Variants in PRKG2 observed in about 807,000 individuals in gnomAD.
PRKG2 encodes cGMP-dependent protein kinase 2.
PRKG2 carries 33 observed loss-of-function variants against 97.2 expected under a neutral mutation model. That is an observed-to-expected ratio of 0.34 (90% CI 0.26 to 0.45). PRKG2 has a LOEUF of 0.45. PRKG2 is among the 20% of genes least tolerant of loss of function. PRKG2 has a pLI of 1.00. For synonymous variants in PRKG2, 330 were observed against 321.8 expected (o/e 1.03, Z -0.27); for missense variants, 638 against 900.0 (o/e 0.71, Z 3.73).
chr4:81,191,156 A>G (rs1168938578), intron 2 of PRKG2, among the ~76,000 whole-genome samples: 1 of 152,112 alleles, frequency 6.6e-6, no homozygotes, highest in Admixed American at 6.6e-5. Flanking sequence ...CAGCACTGTT[A>G]GCAATAGCAA....
intron 6 of PRKG2, 86 bp downstream of exon 6, chr4:81,167,075 T>A (rs1750049071): frequency 1.0e-6 from 1 of 987,484 alleles, no homozygotes; most frequent in African/African-American, 1.7e-5. Context: ...TGCTCTGACA[T>A]CTTTTTATTT....
At chr4:81,130,873 G>A (rs373910446) in intron 14 of PRKG2, among the ~76,000 whole-genome samples, 13 of 152,278 alleles carry the variant, frequency 8.5e-5, no homozygotes, top group African/African-American at 2.6e-4. Context: ...TCAGACTGCT[G>A]TGCTGGCAGG....
chr4:81,217,062 TATATA>T (rs1449307785), upstream of PRKG2, among the ~76,000 whole-genome samples: 1 of 145,676 alleles, frequency 6.9e-6, no homozygotes, highest in Non-Finnish European at 1.5e-5. Context: ...TATGTGTATA[TATATA>T]ATATAAAACC....
At chr4:81,155,893 A>C (rs1383682670) in intron 6 of PRKG2, among the ~76,000 whole-genome samples, 1 of 152,180 alleles carries the variant, frequency 6.6e-6, no homozygotes, top group Non-Finnish European at 1.5e-5. Context: ...AGATTTCATC[A>C]CCACCAGGCC....
At chr4:81,194,805 G>A (rs1397229790) in intron 2 of PRKG2, among the ~76,000 whole-genome samples, 2 of 152,194 alleles carry the variant, frequency 1.3e-5, no homozygotes, top group Non-Finnish European at 1.5e-5. Context: ...AATTAGTACT[G>A]CTCTTAAATC....
chr4:81,179,488 T>C (rs188401239), intron 2 of PRKG2, among the ~76,000 whole-genome samples: 9 of 152,280 alleles, frequency 5.9e-5, no homozygotes, highest in African/African-American at 2.2e-4. Context: ...GTTTTTCCAT[T>C]GGCAACAGAC....
intron 2 of PRKG2, among the ~76,000 whole-genome samples, chr4:81,187,287 C>T (rs976394020): frequency 1.3e-5 from 2 of 152,222 alleles, no homozygotes; most frequent in Non-Finnish European, 2.9e-5. Context: ...AGGATAAAGT[C>T]GGCTTCATCC....
chr4:81,184,405 C>T (rs1751695959), intron 2 of PRKG2, among the ~76,000 whole-genome samples: 1 of 152,130 alleles, frequency 6.6e-6, no homozygotes, highest in African/African-American at 2.4e-5. Context: ...GCAGAGGGGC[C>T]TATTAGAAGG....
chr4:81,217,034 T>TATATATATATAC (rs1202608001), upstream of PRKG2, among the ~76,000 whole-genome samples: 19 of 132,274 alleles, frequency 1.4e-4, no homozygotes, highest in South Asian at 2.1e-3. Flanking sequence ...ATATTTTGTA[T>TATATATATATAC]ATATATATAT....
In PRKG2 at chr4:81,188,473, T is replaced by C. The variant is rs1361262446; in HGVS notation, c.462-13514A>G. Among the ~76,000 whole-genome samples the C allele has an allele frequency of 1.0e-3, 146 of 143,956 alleles. 1 individual carries two copies. Among genetic ancestry groups the C allele is most frequent in the South Asian group, 4.4e-3 (20 of 4,594 alleles). The allele number at this position is 143,956 out of a possible 152,430, so 94.4% of individuals were successfully genotyped here. A position where few individuals can be genotyped will look rare whatever the true frequency, so the allele number is the denominator to read the frequency against. On this transcript the variant is annotated intron_variant, in intron 2 of 18. Coordinates refer to ENST00000264399, the MANE Select transcript of PRKG2 (RefSeq NM_006259.3). The stretch of plus-strand genomic sequence containing the variant: ...TGTGGAAGTCAGTGTGGTGATTCCT[T>C]AGGGATCTAGAACTAGAAATACCAT...
rs147373722 is a variant in PRKG2 at position 81,152,251 on chromosome 4, C to T, written c.991-197G>A. The stretch of plus-strand genomic sequence containing the variant: ...TGATGGATGTGGGAAGTCCTATGGT[C>T]TAATATTATCAAATAACTACCCACT... On this transcript the variant is annotated intron_variant, in intron 7 of 18. Coordinates refer to ENST00000264399, the MANE Select transcript of PRKG2 (RefSeq NM_006259.3). Among the ~76,000 whole-genome samples, 1,176 of 152,200 alleles carry T rather than the reference C, an allele frequency of 7.7e-3. 11 individuals are homozygous for T. The highest frequency in any genetic ancestry group is 0.033 in the Admixed American group (502 of 15,280).
At chr4:81,211,062 T>A (rs1753947106) in intron 1 of PRKG2, among the ~76,000 whole-genome samples, 1 of 151,988 alleles carries the variant, frequency 6.6e-6, no homozygotes, top group Admixed American at 6.6e-5. Flanking sequence ...AAGGAATAGG[T>A]GGGAAAGAAC....
intron 6 of PRKG2, among the ~76,000 whole-genome samples, chr4:81,158,803 A>T (rs1322390718): frequency 3.3e-5 from 5 of 152,170 alleles, no homozygotes; most frequent in African/African-American, 1.2e-4. Context: ...ACATATCTAC[A>T]ACCATCTGAT....
chr4:81,216,946 C>CA (rs919533325), upstream of PRKG2, among the ~76,000 whole-genome samples: 1 of 130,840 alleles, frequency 7.6e-6, no homozygotes, highest in African/African-American at 2.9e-5. Context: ...ACCCCTGAAT[C>CA]AAAAAAAAAT....
chr4:81,206,323 T>A (rs1218827734), intron 1 of PRKG2, among the ~76,000 whole-genome samples: 1 of 152,214 alleles, frequency 6.6e-6, no homozygotes, highest in Non-Finnish European at 1.5e-5. Flanking sequence ...ATCCCCATGT[T>A]GTGGGAGGGA....
intron 2 of PRKG2, among the ~76,000 whole-genome samples, chr4:81,195,195 T>A (rs1432586970): frequency 6.6e-6 from 1 of 152,182 alleles, no homozygotes; most frequent in East Asian, 1.9e-4. Context: ...AAGTATTGAT[T>A]AACAATGATC....
At chr4:81,201,262 G>C (rs1753293185) in intron 2 of PRKG2, among the ~76,000 whole-genome samples, 2 of 152,112 alleles carry the variant, frequency 1.3e-5, no homozygotes, top group Non-Finnish European at 2.9e-5. Context: ...TAAAAATCCA[G>C]TTTCTTAGTG....
In PRKG2 at chr4:81,188,017, T is replaced by C. The variant is rs572433816; in HGVS notation, c.462-13058A>G. 2.8e-3 allele frequency among the ~76,000 whole-genome samples: 423 copies of C among 152,176 alleles called. 1 individual carries two copies. The highest frequency in any genetic ancestry group is 5.0e-3 in the Non-Finnish European group (338 of 68,000). ...CAATGGCAACAAAAGCCAAAATTGA[T>C]AAATGGGATCTCATTAAACTAAAGA... On this transcript the variant is annotated intron_variant, in intron 2 of 18. Coordinates refer to ENST00000264399, the MANE Select transcript of PRKG2 (RefSeq NM_006259.3).
chr4:81,208,240 G>A (rs370750464), intron 1 of PRKG2, among the ~76,000 whole-genome samples: 7 of 151,998 alleles, frequency 4.6e-5, no homozygotes, highest in East Asian at 1.9e-4. Flanking sequence ...TGATTATTAC[G>A]TTTGTAAAGT....
Sources: allele counts gnomAD v4.1 joint callset (sites outside exome capture counted in the v4.1 genomes callset), GRCh38; gene constraint gnomAD v4.1.1; transcripts MANE v1.5; gene names NCBI Gene and HGNC (gene_info 2026-07-23, HGNC 2026-07-21).